The following PCDH15 variants were observed in gnomAD, a reference collection of about 807,000 sequenced individuals.
PCDH15 encodes protocadherin related 15.
PCDH15 carries 129 observed loss-of-function variants against 178.5 expected under a neutral mutation model. The ratio of observed to expected loss-of-function variants is 0.72; its 90% CI spans 0.63 to 0.84. PCDH15 has a LOEUF of 0.84. Among genes scored for constraint, PCDH15 ranks in the 40% least tolerant of loss-of-function variants. The pLI is 0.00. For synonymous variants in PCDH15, 800 were observed against 732.0 expected, an observed-to-expected ratio of 1.09 and a Z score of -1.50; for missense variants, 2,230 against 2,099.9, an observed-to-expected ratio of 1.06 and a Z score of -1.21.
chr10:54,363,974 A>G (rs2134568214), intron 5 of PCDH15, among the ~76,000 whole-genome samples: 1 of 152,180 alleles, frequency 6.6e-6, no homozygotes, highest in African/African-American at 2.4e-5. Flanking sequence ...GCACTTTGGG[A>G]GGCTGAGGCA....
intron 3 of PCDH15, among the ~76,000 whole-genome samples, chr10:54,389,228 T>C (rs1332827981): frequency 6.6e-6 from 1 of 152,188 alleles, no homozygotes; most frequent in Non-Finnish European, 1.5e-5. Context: ...ACTTGTTAAA[T>C]CTTGCTGAAG....
At chr10:55,505,247 T>G (rs528022963) in intron 2 of PCDH15, among the ~76,000 whole-genome samples, 1 of 151,344 alleles carries the variant, frequency 6.6e-6, no homozygotes, top group African/African-American at 2.4e-5. Flanking sequence ...TTTAGTAATA[T>G]TAATTAGTGG....
chr10:55,518,606 G>A (rs917795404), intron 2 of PCDH15, among the ~76,000 whole-genome samples: 13 of 151,956 alleles, frequency 8.6e-5, no homozygotes, highest in Non-Finnish European at 7.4e-5. Context: ...AAAACAGCGG[G>A]CCTTAATAAA....
At chr10:55,034,568 C>CAA (rs1404695763) in intron 2 of PCDH15, among the ~76,000 whole-genome samples, 4 of 152,112 alleles carry the variant, frequency 2.6e-5, no homozygotes, top group Admixed American at 1.3e-4. Flanking sequence ...ACTTTAGGCA[C>CAA]AAACTCAAAG....
At chr10:55,434,077 CTTTTTTT>C (rs60921527) in intron 2 of PCDH15, among the ~76,000 whole-genome samples, 2 of 90,826 alleles carry the variant, frequency 2.2e-5, no homozygotes, top group African/African-American at 9.0e-5. Context: ...CTTTTCTTTT[CTTTTTTT>C]TTTTTTTTTT....
At chr10:55,252,145 C>A (rs1015622535) in intron 1 of PCDH15, among the ~76,000 whole-genome samples, 7 of 152,054 alleles carry the variant, frequency 4.6e-5, no homozygotes, top group African/African-American at 1.7e-4. Context: ...TTTGTTCCAC[C>A]AAAAAGGTAT....
At chr10:55,131,186 C>T (rs1591926796) in intron 2 of PCDH15, among the ~76,000 whole-genome samples, 1 of 152,110 alleles carries the variant, frequency 6.6e-6, no homozygotes, top group South Asian at 2.1e-4. Context: ...CTTGGTCCTC[C>T]ATCCTTTCAT....
chr10:54,516,569 C>T (rs2082244153), intron 3 of PCDH15, among the ~76,000 whole-genome samples: 2 of 151,962 alleles, frequency 1.3e-5, no homozygotes, highest in Non-Finnish European at 2.9e-5. Context: ...GTGAAAAGAC[C>T]AAATCTACGT....
At position 54,686,513 on chromosome 10, in the gene PCDH15, C is replaced by T. The variant is rs1185195753; in HGVS notation, c.-28-22223G>A. ...GAGACGAACATCATGAAGCTTTTCC[C>T]TCATATTTCTTTTTGCACTTTAATG... On this transcript the variant is annotated intron_variant, in intron 1 of 37. Transcript: ENST00000644397. 3.9e-5 allele frequency among the ~76,000 whole-genome samples: 6 copies of T among 152,032 alleles called. No homozygotes were observed. The East Asian group carries it at 1.2e-3, about 29-fold the overall frequency.
chr10:53,861,847 C>T (rs537533898), intron 27 of PCDH15, among the ~76,000 whole-genome samples: 7 of 152,022 alleles, frequency 4.6e-5, no homozygotes, highest in Non-Finnish European at 8.8e-5. Flanking sequence ...TAGAGATATT[C>T]ATCATCTCCT....
chr10:55,115,687 T>C (rs142893948), intron 2 of PCDH15, among the ~76,000 whole-genome samples: 3,812 of 152,286 alleles, frequency 0.025, 89 homozygotes, highest in Non-Finnish European at 0.03. Context: ...CTTTATAACA[T>C]TGAGCTTAAT....
chr10:54,528,043 A>G (rs892444702), intron 2 of PCDH15, among the ~76,000 whole-genome samples, 166 bp from the exon 3 acceptor site: 2 of 152,104 alleles, frequency 1.3e-5, no homozygotes, highest in African/African-American at 4.8e-5. Flanking sequence ...TAATAACCAC[A>G]TAGATTCCTT....
intron 3 of PCDH15, among the ~76,000 whole-genome samples, chr10:54,479,158 A>AC (rs2078506838): frequency 6.6e-6 from 1 of 152,068 alleles, no homozygotes; most frequent in Non-Finnish European, 1.5e-5. Flanking sequence ...AATGCCTTCT[A>AC]TATTAATATA....
intron 2 of PCDH15, among the ~76,000 whole-genome samples, chr10:55,074,684 T>G (rs1445276332): frequency 6.6e-6 from 1 of 152,184 alleles, no homozygotes; most frequent in Non-Finnish European, 1.5e-5. Flanking sequence ...GCTCTGATGA[T>G]AGTTTCTTTT....
chr10:54,256,139 T>C (rs1227626986), intron 8 of PCDH15, among the ~76,000 whole-genome samples: 2 of 152,058 alleles, frequency 1.3e-5, no homozygotes, highest in East Asian at 1.9e-4. Flanking sequence ...AATAAACCAC[T>C]TGGGAATCAG....
At chr10:54,978,329 G>T (rs1311202931) in intron 2 of PCDH15, among the ~76,000 whole-genome samples, 3 of 152,052 alleles carry the variant, frequency 2.0e-5, no homozygotes, top group Non-Finnish European at 4.4e-5. Flanking sequence ...AAAACAATAT[G>T]AGTAGACTAT....
chr10:55,493,446 G>A (rs1840466304), intron 2 of PCDH15, among the ~76,000 whole-genome samples: 1 of 151,528 alleles, frequency 6.6e-6, no homozygotes, highest in Non-Finnish European at 1.5e-5. Context: ...GGAGGCTGGA[G>A]TGGGACAATT....
chr10:53,933,323 C>A (rs183500864), intron 25 of PCDH15, among the ~76,000 whole-genome samples: 28 of 151,760 alleles, frequency 1.8e-4, no homozygotes, highest in Admixed American at 5.3e-4. Context: ...ATCCCTCCCC[C>A]CTTCCCCCAC....
At chr10:55,230,386 T>A (rs981345995) in intron 1 of PCDH15, among the ~76,000 whole-genome samples, 12 of 152,206 alleles carry the variant, frequency 7.9e-5, no homozygotes, top group Admixed American at 5.9e-4. Context: ...CTTCAGAGGC[T>A]TGTTAGTGAT....
Sources: gnomAD v4.1 joint callset for allele counts (sites outside exome capture counted in the v4.1 genomes callset) on GRCh38, gnomAD v4.1.1 for gene constraint, MANE v1.5 for transcripts, NCBI Gene and HGNC (gene_info 2026-07-23, HGNC 2026-07-21) for gene names.